Variants in RERE observed in about 807,000 individuals in gnomAD.
RERE encodes the protein arginine-glutamic acid dipeptide repeats.
Under a neutral mutation model 146.1 loss-of-function variants are expected in RERE, and 40 were observed. The ratio of observed to expected loss-of-function variants is 0.27; its 90% confidence interval spans 0.21 to 0.36. The LOEUF (loss-of-function observed/expected upper bound fraction) is 0.36, where lower values mean the gene tolerates loss of function less well. RERE is among the 10% of genes least tolerant of loss of function. The probability of loss-of-function intolerance (pLI) is 1.00; values close to 1 mark genes in which losing one functional copy is unlikely to be tolerated. For synonymous variants in RERE, 1,003 were observed against 866.0 expected, an observed-to-expected ratio of 1.16 and a Z score of -2.78; for missense variants, 1,933 against 2,138.7, an observed-to-expected ratio of 0.90 and a Z score of 1.90.
chr1:8,531,720 T>C (rs1262734956), intron 7 of RERE, among the ~76,000 whole-genome samples: 1 of 152,202 alleles, frequency 6.6e-6, no homozygotes, highest in East Asian at 1.9e-4. Flanking sequence ...ATTAAGGAAA[T>C]TCATTCTACA....
chr1:8,450,549 T>A (rs1243950661), intron 11 of RERE, among the ~76,000 whole-genome samples: 1 of 152,094 alleles, frequency 6.6e-6, no homozygotes, highest in Non-Finnish European at 1.5e-5. Flanking sequence ...TCGCACGACG[T>A]CCCCTAGAGA....
At chr1:8,465,635 C>G in intron 11 of RERE, 1 of 468,014 alleles carries the variant, frequency 2.1e-6, no homozygotes, top group Non-Finnish European at 4.1e-6. Flanking sequence ...TAGCTTGCAC[C>G]AAAAACAAGT....
chr1:8,368,982 T>C (rs983726793), intron 12 of RERE, among the ~76,000 whole-genome samples: 1 of 152,114 alleles, frequency 6.6e-6, no homozygotes, highest in Non-Finnish European at 1.5e-5. Context: ...GGAGGATTGC[T>C]TGAGGCCAGG....
At chr1:8,471,639 A>C (rs774215650) in intron 10 of RERE, among the ~76,000 whole-genome samples, 2 of 151,614 alleles carry the variant, frequency 1.3e-5, no homozygotes, top group Non-Finnish European at 2.9e-5. Context: ...CAGCCTCCCA[A>C]GTAGCTCAGC....
intron 1 of RERE, among the ~76,000 whole-genome samples, chr1:8,718,733 A>T (rs1030350468): frequency 3.3e-5 from 5 of 152,240 alleles, no homozygotes; most frequent in African/African-American, 9.6e-5. Context: ...TCAGATGGCC[A>T]GGGTTCTCCT....
At chr1:8,410,655 C>T (rs1341456040) in intron 12 of RERE, among the ~76,000 whole-genome samples, 7 of 152,198 alleles carry the variant, frequency 4.6e-5, no homozygotes, top group Admixed American at 1.3e-4. Flanking sequence ...ACTTCAAGGA[C>T]TTCCTTCGGC....
intron 7 of RERE, chr1:8,512,679 C>G (rs2124314245): frequency 6.6e-6 from 1 of 152,466 alleles, no homozygotes; most frequent in African/African-American, 2.4e-5. Flanking sequence ...GTGACTTCTT[C>G]CACGAATCGG....
intron 7 of RERE, among the ~76,000 whole-genome samples, chr1:8,520,752 TTTAAAA>T (rs1472131230): frequency 6.1e-4 from 9 of 14,778 alleles, no homozygotes; most frequent in Admixed American, 2.3e-3. Context: ...CAAAAAACTT[TTTAAAA>T]AAAAAAAAAA....
intron 3 of RERE, 29 bp from the exon 4 acceptor site, chr1:8,614,715 G>A (rs767321124): frequency 6.9e-6 from 11 of 1,591,294 alleles, no homozygotes; most frequent in South Asian, 3.4e-5. Flanking sequence ...TTAAGTTAAC[G>A]TGCCCAACGC....
chr1:8,662,487 A>C (rs1438734359), intron 1 of RERE, among the ~76,000 whole-genome samples: 1 of 152,212 alleles, frequency 6.6e-6, no homozygotes, highest in Non-Finnish European at 1.5e-5. Context: ...TTTGAGACCA[A>C]CCTGGGAAAC....
At chr1:8,786,721 C>T (rs1641265971) in intron 1 of RERE, 2 of 788,524 alleles carry the variant, frequency 2.5e-6, no homozygotes, top group Admixed American at 1.7e-5. Context: ...TCTTGCCATC[C>T]TTGCCATTCG....
chr1:8,501,240 C>G (rs1375703990), intron 8 of RERE, among the ~76,000 whole-genome samples: 1 of 134,664 alleles, frequency 7.4e-6, no homozygotes, highest in Non-Finnish European at 1.6e-5. Context: ...CCGGCCGCCC[C>G]GTCCGGGAGG....
Position 8,362,823 on chromosome 1 carries a change from G to C in RERE, c.1762C>G (p.Arg588Gly). 6.2e-7 allele frequency: 1 copy of C among 1,613,604 alleles called. No homozygotes were observed. The highest frequency in any genetic ancestry group is 8.5e-7 in the Non-Finnish European group (1 of 1,179,852). ...RGSMSTLRSGRKKQPASPDGR... is the reference protein window; with the variant it reads ...RGSMSTLRSGGKKQPASPDGR... Reference sequence around the variant, plus strand: ...TCAGGGCTGGCTGGCTGCTTCTTCCGACCACTGCGTAGTGTCGACATCTGC... The same window carrying C: ...TCAGGGCTGGCTGGCTGCTTCTTCCCACCACTGCGTAGTGTCGACATCTGC... The change falls in exon 16 of 23, where the codon CGG becomes GGG. Residue 588 changes from arginine (R) to glycine (G), a missense_variant. Arg to Gly is a moderately radical substitution (Grantham distance 125). This residue lies in a region of RERE where 1,255 missense variants were observed against 1,153.8 expected (regional missense o/e 1.09). Transcript: ENST00000400908.
chr1:8,460,713 A>G (rs1023686779), intron 11 of RERE, among the ~76,000 whole-genome samples: 1 of 152,250 alleles, frequency 6.6e-6, no homozygotes, highest in African/African-American at 2.4e-5. Flanking sequence ...CCCTGTAGTA[A>G]CATGGTAAGC....
chr1:8,362,654 T>A (rs201026712), intron 16 of RERE, 29 bp downstream of exon 16: 16 of 1,613,184 alleles, frequency 9.9e-6, no homozygotes, highest in Non-Finnish European at 4.2e-6. Flanking sequence ...AGGGACAGAG[T>A]AGGCCCTACT....
At chr1:8,637,553 A>G (rs909369863) in intron 2 of RERE, among the ~76,000 whole-genome samples, 1 of 152,224 alleles carries the variant, frequency 6.6e-6, no homozygotes, top group Non-Finnish European at 1.5e-5. Context: ...ATTATAATCT[A>G]TATTTTACTT....
intron 1 of RERE, among the ~76,000 whole-genome samples, chr1:8,801,717 G>C (rs1159291270): frequency 6.6e-6 from 1 of 152,166 alleles, no homozygotes; most frequent in Non-Finnish European, 1.5e-5. Flanking sequence ...GCATATCTTT[G>C]GGGGCAATTT....
chr1:8,497,300 C>T, intron 9 of RERE, 105 bp downstream of exon 9: 4 of 1,231,818 alleles, frequency 3.2e-6, no homozygotes, highest in East Asian at 5.0e-5. Flanking sequence ...AGTCAGAGAA[C>T]GCCCAATATA....
chr1:8,387,506 A>T (rs1383408444), intron 12 of RERE, among the ~76,000 whole-genome samples: 2 of 152,250 alleles, frequency 1.3e-5, no homozygotes, highest in South Asian at 2.1e-4. Context: ...ATCTTTAACC[A>T]ATCATAAAAA....
Sources: allele counts gnomAD v4.1 joint callset (sites outside exome capture counted in the v4.1 genomes callset), GRCh38; gene constraint gnomAD v4.1.1; regional missense constraint gnomAD v4.1.1; transcripts MANE v1.5; gene names NCBI Gene and HGNC (gene_info 2026-07-23, HGNC 2026-07-21).